ADAMTS19: variants seen among roughly 807,000 people sequenced by gnomAD.
The protein encoded by ADAMTS19 is ADAM metallopeptidase with thrombospondin type 1 motif 19.
A neutral mutation model predicts 153.3 loss-of-function variants in ADAMTS19; 93 were observed. The ratio of observed to expected loss-of-function variants is 0.61; its 90% CI spans 0.51 to 0.72. The LOEUF (loss-of-function observed/expected upper bound fraction) is 0.72. Among genes scored for constraint, ADAMTS19 ranks in the 30% least tolerant of loss-of-function variants. The pLI is 0.00. For missense variants in ADAMTS19, 1,482 were observed against 1,552.1 expected (o/e 0.95, Z 0.76); for synonymous variants, 600 against 556.6 (o/e 1.08, Z -1.10).
At chr5:129,507,213 CTG>C (rs2126721724) in intron 2 of ADAMTS19, among the ~76,000 whole-genome samples, 1 of 152,144 alleles carries the variant, frequency 6.6e-6, no homozygotes, top group South Asian at 2.1e-4. Flanking sequence ...ATCAGCCTCA[CTG>C]TCAATTTTAT....
chr5:129,720,928 G>A lies in ADAMTS19; in HGVS notation c.3313-14004G>A, dbSNP rs151322636. 1.4e-4 allele frequency among the ~76,000 whole-genome samples: 21 copies of A among 152,286 alleles called. No individual in the cohort carries two copies. In the East Asian group the frequency reaches 2.9e-3, roughly 21 times the overall value. On this transcript the variant is annotated intron_variant, in intron 21 of 22. Coordinates refer to ENST00000274487, the MANE Select transcript of ADAMTS19 (RefSeq NM_133638.6). Reference sequence around the variant, plus strand: ...CATGAGCCATCACATAAATTTCTACGTATGATTCATGAATTTTCAGTGACA... The same window carrying A: ...CATGAGCCATCACATAAATTTCTACATATGATTCATGAATTTTCAGTGACA...
At chr5:129,491,086 C>T (rs1750754167) in intron 2 of ADAMTS19, among the ~76,000 whole-genome samples, 1 of 152,140 alleles carries the variant, frequency 6.6e-6, no homozygotes, top group Non-Finnish European at 1.5e-5. Flanking sequence ...ACTGCAAGCT[C>T]CACCTCCCAG....
At chr5:129,514,023 T>C (rs1751519621) in intron 3 of ADAMTS19, among the ~76,000 whole-genome samples, 1 of 152,096 alleles carries the variant, frequency 6.6e-6, no homozygotes, top group South Asian at 2.1e-4. Context: ...ATCCGACAAA[T>C]AAGTGAGACC....
chr5:129,518,059 G>A (rs182070695), intron 3 of ADAMTS19, among the ~76,000 whole-genome samples: 1 of 152,034 alleles, frequency 6.6e-6, no homozygotes, highest in Admixed American at 6.6e-5. Flanking sequence ...GAACAAATAA[G>A]CAAAAAGAAA....
chr5:129,588,943 T>C (rs778914458), intron 7 of ADAMTS19, among the ~76,000 whole-genome samples: 20 of 151,902 alleles, frequency 1.3e-4, no homozygotes, highest in Non-Finnish European at 2.7e-4. Context: ...TTTTTACTTC[T>C]ATTGCAATGA....
At chr5:129,648,024 C>T (rs1429358138) in intron 12 of ADAMTS19, 129 bp downstream of exon 12, 1 of 978,588 alleles carries the variant, frequency 1.0e-6, no homozygotes, top group Non-Finnish European at 1.4e-6. Context: ...ACAGAAAAGT[C>T]CTTCAAATTA....
intron 21 of ADAMTS19, among the ~76,000 whole-genome samples, chr5:129,709,780 C>T (rs1408147753): frequency 1.3e-5 from 2 of 152,120 alleles, no homozygotes; most frequent in African/African-American, 4.8e-5. Context: ...TACCTATATT[C>T]AGATTGGCCA....
At chr5:129,543,280 G>A (rs777530451) in intron 6 of ADAMTS19, among the ~76,000 whole-genome samples, 2 of 151,858 alleles carry the variant, frequency 1.3e-5, no homozygotes, top group Non-Finnish European at 2.9e-5. Flanking sequence ...TCGAACTCCC[G>A]ACCTCAGGTG....
chr5:129,601,758 G>A (rs949983607), intron 8 of ADAMTS19, among the ~76,000 whole-genome samples: 3 of 152,118 alleles, frequency 2.0e-5, no homozygotes, highest in Admixed American at 6.5e-5. Context: ...TTGGCAACCC[G>A]AGAAGCTATA....
chr5:129,732,570 C>A (rs1473650466), intron 21 of ADAMTS19, among the ~76,000 whole-genome samples: 1 of 151,922 alleles, frequency 6.6e-6, no homozygotes, highest in Non-Finnish European at 1.5e-5. Flanking sequence ...TTACAATAAC[C>A]ACACACACAA....
intron 16 of ADAMTS19, among the ~76,000 whole-genome samples, chr5:129,666,045 C>A (rs1754040164): frequency 1.3e-5 from 2 of 150,994 alleles, no homozygotes; most frequent in Non-Finnish European, 3.0e-5. Flanking sequence ...TAATGTTCTA[C>A]ATACTAAAGG....
intron 19 of ADAMTS19, among the ~76,000 whole-genome samples, chr5:129,696,743 G>C (rs2127151760): frequency 1.3e-5 from 2 of 152,310 alleles, no homozygotes; most frequent in South Asian, 4.1e-4. Flanking sequence ...GTCAAAGGTG[G>C]ATTCAAAGAC....
chr5:129,520,903 TC>T (rs1166382939), intron 3 of ADAMTS19, among the ~76,000 whole-genome samples: 3 of 152,162 alleles, frequency 2.0e-5, no homozygotes, highest in East Asian at 3.9e-4. Context: ...TGATGCCAGC[TC>T]CATGCCCTAA....
chr5:129,618,958 T>C lies in ADAMTS19; in HGVS notation c.1479-1660T>C, dbSNP rs189844487. The stretch of plus-strand genomic sequence containing the variant: ...ACATTGGTTACAGAGTCTCAAGAAT[T>C]TGGAGAGTGAACCAAAAGTAAAAAT... On this transcript the variant is annotated intron_variant, in intron 8 of 22. Transcript: ENST00000274487. 3.9e-5 allele frequency among the ~76,000 whole-genome samples: 6 copies of C among 152,152 alleles called. No homozygotes were observed. In the East Asian group the frequency reaches 1.2e-3, roughly 29 times the overall value.
At chr5:129,466,912 T>G (rs1749881924) in intron 2 of ADAMTS19, among the ~76,000 whole-genome samples, 1 of 152,164 alleles carries the variant, frequency 6.6e-6, no homozygotes, top group Non-Finnish European at 1.5e-5. Context: ...AATAAAGACA[T>G]GGAAAGCAGT....
intron 8 of ADAMTS19, among the ~76,000 whole-genome samples, chr5:129,615,702 G>C (rs1304806493): frequency 1.3e-5 from 2 of 151,916 alleles, no homozygotes; most frequent in African/African-American, 4.8e-5. Flanking sequence ...GGACAATCAG[G>C]CAGACAGTAC....
At chr5:129,507,795 C>G (rs73242265) in intron 2 of ADAMTS19, among the ~76,000 whole-genome samples, 9,570 of 151,080 alleles carry the variant, frequency 0.063, 435 homozygotes, top group African/African-American at 0.14. Flanking sequence ...AGGAGGGGGA[C>G]AGATCGAGGT....
At chr5:129,591,856 A>G (rs1474595017) in intron 7 of ADAMTS19, among the ~76,000 whole-genome samples, 2 of 152,094 alleles carry the variant, frequency 1.3e-5, no homozygotes, top group African/African-American at 4.8e-5. Flanking sequence ...GAATGCATCC[A>G]TCTGATCACA....
chr5:129,694,644 T>C, intron 18 of ADAMTS19, 76 bp from the exon 19 acceptor site: 1 of 1,132,294 alleles, frequency 8.8e-7, no homozygotes, highest in East Asian at 3.2e-5. Context: ...ATAAGCATAA[T>C]AAGCTTATGA....
Sources: gnomAD v4.1 joint callset for allele counts (sites outside exome capture counted in the v4.1 genomes callset) on GRCh38, gnomAD v4.1.1 for gene constraint, MANE v1.5 for transcripts, NCBI Gene and HGNC (gene_info 2026-07-23, HGNC 2026-07-21) for gene names.